CSMD1: variants seen among roughly 807,000 people sequenced by gnomAD.
CSMD1 encodes CUB and sushi domain-containing protein 1.
Under a neutral mutation model 417.5 loss-of-function variants are expected in CSMD1, and 213 were observed. That is an observed-to-expected ratio of 0.51 (90% CI 0.46 to 0.57). The LOEUF (loss-of-function observed/expected upper bound fraction) is 0.57, where lower values mean the gene tolerates loss of function less well. Among genes scored for constraint, CSMD1 ranks in the 20% least tolerant of loss-of-function variants. The probability of loss-of-function intolerance (pLI) is 0.00; values close to 1 mark genes in which losing one functional copy is unlikely to be tolerated. For synonymous variants in CSMD1, 2,862 were observed against 1,736.8 expected, an observed-to-expected ratio of 1.65 and a Z score of -16.11; for missense variants, 6,923 against 4,529.7, an observed-to-expected ratio of 1.53 and a Z score of -15.17.
At position 3,096,952 on chromosome 8, in the gene CSMD1, C is replaced by G; in HGVS notation, c.7035G>C (p.Gln2345His). Residue 2345 changes from glutamine (Q) to histidine (H), a missense_variant, in exon 47 of 70, where the codon CAG becomes CAC. Physicochemically the swap from Gln to His is conservative, Grantham distance 24. Transcript: ENST00000635120. ...CCACTTTAATACTCCAAGAGCAAGT[C>G]TGGGAGTTAAAATAATTACCCGGAT... is the stretch of plus-strand genomic sequence containing the variant. ...PGYPGNYFNS[Q>H]TCSWSIKVEP... 6.4e-7 allele frequency: 1 copy of G among 1,555,488 alleles called. No homozygotes were observed. Among genetic ancestry groups the G allele is most frequent in the Non-Finnish European group, 8.7e-7 (1 of 1,148,562 alleles).
intron 5 of CSMD1, among the ~76,000 whole-genome samples, chr8:3,871,377 TA>T (rs945964368): frequency 2.0e-4 from 31 of 152,234 alleles, no homozygotes; most frequent in African/African-American, 6.3e-4. Flanking sequence ...AATAATGGAT[TA>T]AAAAAACTTG....
chr8:3,240,998 AGAT>A (rs1229160627), intron 26 of CSMD1, among the ~76,000 whole-genome samples: 1 of 150,466 alleles, frequency 6.6e-6, no homozygotes, highest in Non-Finnish European at 1.5e-5. Context: ...GTTTTTAATG[AGAT>A]GATAAGGGGT....
chr8:3,500,693 G>A (rs545183915), intron 10 of CSMD1, among the ~76,000 whole-genome samples: 2 of 152,330 alleles, frequency 1.3e-5, no homozygotes, highest in South Asian at 4.1e-4. Flanking sequence ...ATGCTACTAA[G>A]AATGTGAATT....
intron 7 of CSMD1, among the ~76,000 whole-genome samples, chr8:3,679,630 A>G (rs1799550405): frequency 1.3e-5 from 2 of 152,140 alleles, no homozygotes; most frequent in Admixed American, 1.3e-4. Flanking sequence ...GATCAACAAG[A>G]CAGCAAGTTA....
intron 1 of CSMD1, among the ~76,000 whole-genome samples, chr8:4,753,075 C>T (rs188873373): frequency 5.9e-5 from 9 of 152,128 alleles, no homozygotes; most frequent in Non-Finnish European, 1.0e-4. Context: ...AACCCTCACA[C>T]CATCCTTAAA....
chr8:3,930,018 C>T (rs943092918), intron 5 of CSMD1, among the ~76,000 whole-genome samples: 7 of 150,236 alleles, frequency 4.7e-5, no homozygotes, highest in Non-Finnish European at 1.0e-4. Context: ...AGGTTTTCTT[C>T]TTACACTGGT....
At chr8:4,393,589 C>G (rs189150869) in intron 3 of CSMD1, among the ~76,000 whole-genome samples, 5 of 152,258 alleles carry the variant, frequency 3.3e-5, no homozygotes, top group African/African-American at 1.2e-4. Context: ...ACTCTCGTTT[C>G]CAATTAATGA....
intron 10 of CSMD1, among the ~76,000 whole-genome samples, chr8:3,570,046 C>G (rs1196306284): frequency 1.3e-5 from 2 of 152,162 alleles, no homozygotes; most frequent in Admixed American, 6.5e-5. Context: ...AAAAAATAAA[C>G]TTCTAAAAGG....
intron 3 of CSMD1, among the ~76,000 whole-genome samples, chr8:4,174,690 A>T (rs1275628287): frequency 8.0e-6 from 1 of 125,024 alleles, no homozygotes; most frequent in Non-Finnish European, 1.6e-5. Flanking sequence ...CAAAGAAAAA[A>T]GGTGTCTAGA....
At chr8:4,391,477 ACT>A (rs1317671252) in intron 3 of CSMD1, among the ~76,000 whole-genome samples, 1 of 152,046 alleles carries the variant, frequency 6.6e-6, no homozygotes, top group East Asian at 1.9e-4. Flanking sequence ...TGAACATAGA[ACT>A]CTGACCCACA....
chr8:3,760,089 G>T (rs1357375828), intron 5 of CSMD1, among the ~76,000 whole-genome samples: 1 of 151,984 alleles, frequency 6.6e-6, no homozygotes, highest in Non-Finnish European at 1.5e-5. Context: ...AAAAAACAAG[G>T]GGGTTGAGAA....
At chr8:3,439,309 A>ATATATATATATATTTTTTTTT in intron 12 of CSMD1, among the ~76,000 whole-genome samples, 15 of 62,440 alleles carry the variant, frequency 2.4e-4, no homozygotes, top group African/African-American at 7.3e-4. Context: ...ATATATATAT[A>ATATATATATATATTTTTTTTT]TTTTTTTTTT....
At chr8:4,304,324 G>A (rs1003284142) in intron 3 of CSMD1, among the ~76,000 whole-genome samples, 1 of 152,130 alleles carries the variant, frequency 6.6e-6, no homozygotes, top group Non-Finnish European at 1.5e-5. Flanking sequence ...TATTTATTTT[G>A]TATGTCAAAC....
rs552025820 is a variant in CSMD1 at position 4,333,678 on chromosome 8, T to C, written c.415+86275A>G. On this transcript the variant is annotated intron_variant, in intron 3 of 69. Coordinates refer to ENST00000635120, the MANE Select transcript of CSMD1 (RefSeq NM_033225.6). ...ACACATCATTTTATAAGTGCTTTTC[T>C]ACGATACCATTTAATGAGAAAGAGT... Among the ~76,000 whole-genome samples the C allele has an allele frequency of 2.0e-5, 3 of 152,262 alleles. No individual in the cohort carries two copies. In the East Asian group the frequency reaches 5.8e-4, roughly 29 times the overall value.
At chr8:3,664,247 T>A (rs147327203) in intron 7 of CSMD1, among the ~76,000 whole-genome samples, 1 of 152,158 alleles carries the variant, frequency 6.6e-6, no homozygotes, top group South Asian at 2.1e-4. Flanking sequence ...AGTGTTCTCA[T>A]TGTTCAATTC....
At chr8:4,513,904 A>T (rs1802962945) in intron 2 of CSMD1, among the ~76,000 whole-genome samples, 1 of 152,164 alleles carries the variant, frequency 6.6e-6, no homozygotes, top group South Asian at 2.1e-4. Flanking sequence ...AGGTATTGCT[A>T]ATTTGAAGTG....
intron 39 of CSMD1, among the ~76,000 whole-genome samples, chr8:3,155,253 C>T (rs1333682022): frequency 6.7e-6 from 1 of 150,086 alleles, no homozygotes; most frequent in East Asian, 2.0e-4. Flanking sequence ...GAAGGCTCTT[C>T]ATTTAAAAAT....
At chr8:3,698,738 T>C (rs1800693476) in intron 7 of CSMD1, among the ~76,000 whole-genome samples, 1 of 152,178 alleles carries the variant, frequency 6.6e-6, no homozygotes, top group Non-Finnish European at 1.5e-5. Context: ...GTAAAGAGGA[T>C]CATGTTCATT....
chr8:3,634,499 C>T (rs1293688158), intron 7 of CSMD1, among the ~76,000 whole-genome samples: 1 of 152,176 alleles, frequency 6.6e-6, no homozygotes, highest in Non-Finnish European at 1.5e-5. Context: ...CAAGTTTGAA[C>T]CTGCTGTCTC....
Sources: allele counts gnomAD v4.1 joint callset (sites outside exome capture counted in the v4.1 genomes callset), GRCh38; gene constraint gnomAD v4.1.1; transcripts MANE v1.5; gene names NCBI Gene and HGNC (gene_info 2026-07-23, HGNC 2026-07-21).